The following SORCS2 variants were observed in gnomAD, a reference collection of about 807,000 sequenced individuals.
SORCS2 encodes VPS10 domain-containing receptor SorCS2.
Under a neutral mutation model 141.6 loss-of-function variants are expected in SORCS2, and 100 were observed. That is an observed-to-expected ratio of 0.71 (90% CI 0.60 to 0.83). The LOEUF is 0.83. Among genes scored for constraint, SORCS2 ranks in the 40% least tolerant of loss-of-function variants. The probability of loss-of-function intolerance (pLI) is 0.00; values close to 1 mark genes in which losing one functional copy is unlikely to be tolerated. For missense variants in SORCS2, 1,646 were observed against 1,560.2 expected, an observed-to-expected ratio of 1.05 and a Z score of -0.93; for synonymous variants, 789 against 676.9, an observed-to-expected ratio of 1.17 and a Z score of -2.57.
intron 2 of SORCS2, among the ~76,000 whole-genome samples, chr4:7,492,158 C>G (rs146007120): frequency 4.3e-4 from 65 of 152,240 alleles, no homozygotes; most frequent in African/African-American, 1.5e-3. Flanking sequence ...ACAGCCTGGC[C>G]CTCTCTCCAG....
intron 14 of SORCS2, among the ~76,000 whole-genome samples, chr4:7,704,691 C>A (rs931415652): frequency 6.6e-6 from 1 of 152,226 alleles, no homozygotes; most frequent in Admixed American, 6.5e-5. Context: ...AAAAAAGGCA[C>A]CATGAGGGGC....
intron 18 of SORCS2, among the ~76,000 whole-genome samples, chr4:7,720,737 G>A (rs1043573945): frequency 5.3e-5 from 8 of 152,172 alleles, no homozygotes; most frequent in Admixed American, 3.3e-4. Context: ...GTAAGCACAC[G>A]AAAAGATGAC....
chr4:7,395,745 C>A (rs377273991), intron 1 of SORCS2, among the ~76,000 whole-genome samples: 1 of 152,162 alleles, frequency 6.6e-6, no homozygotes, highest in Non-Finnish European at 1.5e-5. Flanking sequence ...GACTCCTGGG[C>A]CCCCAAGCAT....
chr4:7,469,665 A>G (rs1729851758), intron 2 of SORCS2, among the ~76,000 whole-genome samples: 1 of 152,182 alleles, frequency 6.6e-6, no homozygotes, highest in Admixed American at 6.5e-5. Context: ...ACAGATTATG[A>G]AGCCTGGACC....
chr4:7,313,645 A>G (rs1322502279), intron 1 of SORCS2, among the ~76,000 whole-genome samples: 1 of 152,060 alleles, frequency 6.6e-6, no homozygotes, highest in East Asian at 1.9e-4. Context: ...TTTTCCAGAA[A>G]CTTGCCTGGC....
At chr4:7,329,134 C>T (rs959446342) in intron 1 of SORCS2, among the ~76,000 whole-genome samples, 8 of 152,192 alleles carry the variant, frequency 5.3e-5, no homozygotes, top group African/African-American at 9.7e-5. Flanking sequence ...TCTCCAAGTC[C>T]GGTGACTCAG....
At chr4:7,265,482 T>C (rs1012497398) in intron 1 of SORCS2, among the ~76,000 whole-genome samples, 2 of 147,268 alleles carry the variant, frequency 1.4e-5, no homozygotes, top group African/African-American at 2.5e-5. Context: ...AGAGTGAGAC[T>C]CCATCTCAAA....
In SORCS2 at chr4:7,737,001, G is replaced by C. The variant is rs1285346403; in HGVS notation, c.3312-68G>C. On this transcript the variant is annotated intron_variant, in intron 25 of 26. Transcript: ENST00000507866. ...ACTCGGTGTGGTCAGGCGGCCAGCG[G>C]AAGGCTCCAGGGACAGGCGGCCTGG... 4 of 1,538,530 alleles carry C rather than the reference G, an allele frequency of 2.6e-6. No homozygotes were observed. The African/African-American group carries it at 5.5e-5, about 21-fold the overall frequency.
intron 3 of SORCS2, among the ~76,000 whole-genome samples, chr4:7,574,530 C>T (rs1011861895): frequency 2.6e-5 from 4 of 151,442 alleles, no homozygotes; most frequent in Non-Finnish European, 5.9e-5. Context: ...GCAGGTGGGA[C>T]CATGCCTCGT....
chr4:7,192,714 G>T lies in SORCS2; in HGVS notation c.68G>T (p.Gly23Val), dbSNP rs1364958738. ...PGPTARAPSP[G>V]APPPPRSPRS... ...CCCACCGCCCGAGCCCCGAGCCCCG[G>T]GGCTCCGCCGCCGCCGCGCTCGCCG... The change falls in exon 1 of 27, where the codon GGG becomes GTG. Residue 23 changes from glycine (G) to valine (V), a missense_variant. Physicochemically the swap from Gly to Val is moderately radical, Grantham distance 109 (BLOSUM62 -3). Coordinates refer to ENST00000507866, the MANE Select transcript of SORCS2 (RefSeq NM_020777.3). This position sits in a 1 kb window ranked among gnomAD's most constrained non-coding sequence, Gnocchi z 4.0. 2 of 989,556 alleles carry T rather than the reference G, an allele frequency of 2.0e-6. No individual in the cohort carries two copies. The highest frequency in any genetic ancestry group is 2.2e-4 in the East Asian group (2 of 9,004). The allele number at this position is 989,556 out of a possible 1,614,324, so 61.3% of individuals were successfully genotyped here. A position where few individuals can be genotyped will look rare whatever the true frequency, so the allele number is the denominator to read the frequency against.
chr4:7,393,818 G>A (rs896231188), intron 1 of SORCS2, among the ~76,000 whole-genome samples: 3 of 152,108 alleles, frequency 2.0e-5, no homozygotes, highest in African/African-American at 4.8e-5. Flanking sequence ...AATCGTCACC[G>A]TGGCATCATC....
At chr4:7,523,726 A>G (rs1222550507) in intron 2 of SORCS2, among the ~76,000 whole-genome samples, 3 of 152,070 alleles carry the variant, frequency 2.0e-5, no homozygotes, top group African/African-American at 7.2e-5. Flanking sequence ...TGATTGGACT[A>G]TCGACCCCTA....
chr4:7,502,616 A>T (rs1283332585), intron 2 of SORCS2, among the ~76,000 whole-genome samples: 1 of 151,980 alleles, frequency 6.6e-6, no homozygotes, highest in East Asian at 1.9e-4. Flanking sequence ...CCTTCCCATA[A>T]CTCCCACTTC....
intron 11 of SORCS2, among the ~76,000 whole-genome samples, chr4:7,691,731 G>C (rs1724268098): frequency 6.6e-6 from 1 of 151,986 alleles, no homozygotes; most frequent in South Asian, 2.1e-4. Context: ...CTGTACACTT[G>C]GTTTCCCGGG....
chr4:7,515,927 G>A lies in SORCS2; in HGVS notation c.549-15603G>A, dbSNP rs577570787. On this transcript the variant is annotated intron_variant, in intron 2 of 26. Transcript: ENST00000507866. ...CAAGTGACTCCACTTCTCTGGGCCT[G>A]TGTCCTCACTCATGGGAGGGGTCCA... Among the ~76,000 whole-genome samples, 4 of 152,300 alleles carry A rather than the reference G, an allele frequency of 2.6e-5. No individual in the cohort carries two copies. In the East Asian group the frequency reaches 5.8e-4, roughly 22 times the overall value.
intron 2 of SORCS2, among the ~76,000 whole-genome samples, chr4:7,420,650 C>T (rs1239526274): frequency 2.6e-5 from 4 of 152,134 alleles, no homozygotes; most frequent in African/African-American, 9.7e-5. Context: ...TCTTTCCTGA[C>T]GCCACTGAGC....
At chr4:7,445,329 G>GA (rs1461292008) in intron 2 of SORCS2, among the ~76,000 whole-genome samples, 20 of 152,034 alleles carry the variant, frequency 1.3e-4, no homozygotes, top group African/African-American at 4.1e-4. Flanking sequence ...CATCCAGAGG[G>GA]AAAGCCGGGG....
At chr4:7,349,509 G>A (rs916888039) in intron 1 of SORCS2, among the ~76,000 whole-genome samples, 4 of 152,130 alleles carry the variant, frequency 2.6e-5, no homozygotes, top group Non-Finnish European at 5.9e-5. Flanking sequence ...GGGTCATGGG[G>A]CAGGGGGCTG....
At chr4:7,333,769 C>G (rs1719809631) in intron 1 of SORCS2, among the ~76,000 whole-genome samples, 1 of 152,222 alleles carries the variant, frequency 6.6e-6, no homozygotes, top group African/African-American at 2.4e-5. Flanking sequence ...ATACATTTAA[C>G]ATGAAGTTGT....
Sources: gnomAD v4.1 joint callset for allele counts (sites outside exome capture counted in the v4.1 genomes callset) on GRCh38, gnomAD v4.1.1 for gene constraint, Gnocchi (gnomAD v3.1) non-coding constraint, MANE v1.5 for transcripts, NCBI Gene and HGNC (gene_info 2026-07-23, HGNC 2026-07-21) for gene names.